Variants in NRXN1 observed in about 807,000 individuals in gnomAD.
NRXN1 encodes neurexin 1.
In NRXN1, 39 loss-of-function variants were observed where a neutral mutation model predicts 150.9. The ratio of observed to expected loss-of-function variants is 0.26; its 90% CI spans 0.20 to 0.34. NRXN1 has a LOEUF of 0.34. Among genes scored for constraint, NRXN1 ranks in the 10% least tolerant of loss-of-function variants. The pLI is 1.00. For missense variants in NRXN1, 1,815 were observed against 1,949.9 expected (o/e 0.93, Z 1.30); for synonymous variants, 924 against 757.0 (o/e 1.22, Z -3.62).
At chr2:50,140,062 A>C (rs560094107) in intron 18 of NRXN1, among the ~76,000 whole-genome samples, 3 of 152,300 alleles carry the variant, frequency 2.0e-5, no homozygotes, top group East Asian at 3.9e-4. Flanking sequence ...AAGGATAGCC[A>C]TTCAAGAATT....
At chr2:50,785,867 T>C (rs764151139) in intron 5 of NRXN1, among the ~76,000 whole-genome samples, 5 of 152,080 alleles carry the variant, frequency 3.3e-5, no homozygotes, top group Non-Finnish European at 7.3e-5. Flanking sequence ...GCCAAACTGT[T>C]GTCCAACTAC....
chr2:50,283,876 A>T (rs1482067471), intron 17 of NRXN1, among the ~76,000 whole-genome samples: 1 of 152,110 alleles, frequency 6.6e-6, no homozygotes, highest in Non-Finnish European at 1.5e-5. Flanking sequence ...TCAAGGCTAG[A>T]TTTGGAGAAC....
intron 2 of NRXN1, among the ~76,000 whole-genome samples, chr2:50,973,097 C>T (rs1382232151): frequency 6.6e-6 from 1 of 152,150 alleles, no homozygotes; most frequent in Non-Finnish European, 1.5e-5. Context: ...ACTATGATCT[C>T]CTATTCAGAG....
At chr2:50,323,869 A>T (rs1273721525) in intron 17 of NRXN1, among the ~76,000 whole-genome samples, 1 of 152,212 alleles carries the variant, frequency 6.6e-6, no homozygotes, top group African/African-American at 2.4e-5. Flanking sequence ...AAGTGGATCA[A>T]ACAAGTATTC....
chr2:50,186,034 C>T (rs1458845664), intron 18 of NRXN1, among the ~76,000 whole-genome samples: 3 of 151,816 alleles, frequency 2.0e-5, no homozygotes, highest in African/African-American at 7.3e-5. Flanking sequence ...TTTATAAAAC[C>T]ACACAATACT....
At chr2:50,286,018 A>G (rs1420739257) in intron 17 of NRXN1, among the ~76,000 whole-genome samples, 2 of 152,196 alleles carry the variant, frequency 1.3e-5, no homozygotes, top group Non-Finnish European at 2.9e-5. Context: ...TTTAAAATTA[A>G]CAGATAAAAT....
intron 8 of NRXN1, among the ~76,000 whole-genome samples, chr2:50,595,165 A>C (rs1323413682): frequency 4.6e-5 from 7 of 150,798 alleles, no homozygotes; most frequent in African/African-American, 1.7e-4. Flanking sequence ...GGGCTTTTGA[A>C]ATGATGGTGA....
At chr2:51,025,919 A>G (rs1378997145) in intron 2 of NRXN1, among the ~76,000 whole-genome samples, 1 of 152,166 alleles carries the variant, frequency 6.6e-6, no homozygotes, top group Non-Finnish European at 1.5e-5. Flanking sequence ...ACAAAAACCC[A>G]CATGAAGACA....
intron 17 of NRXN1, among the ~76,000 whole-genome samples, chr2:50,454,717 A>G (rs1319138519): frequency 6.6e-6 from 1 of 150,986 alleles, no homozygotes; most frequent in Non-Finnish European, 1.5e-5. Flanking sequence ...TAATTAACGG[A>G]TCCTCCAAGA....
chr2:50,557,834 T>A (rs1481537283), intron 8 of NRXN1, among the ~76,000 whole-genome samples: 1 of 152,218 alleles, frequency 6.6e-6, no homozygotes, highest in African/African-American at 2.4e-5. Flanking sequence ...TGGTCACATA[T>A]TTAAGGGAAT....
At chr2:51,012,261 C>T (rs1202166010) in intron 2 of NRXN1, among the ~76,000 whole-genome samples, 4 of 151,856 alleles carry the variant, frequency 2.6e-5, no homozygotes, top group African/African-American at 4.8e-5. Context: ...CATTCTAATG[C>T]CTTAGTGCAA....
intron 2 of NRXN1, among the ~76,000 whole-genome samples, chr2:50,982,843 C>A (rs1389886654): frequency 6.6e-6 from 1 of 151,994 alleles, no homozygotes; most frequent in Non-Finnish European, 1.5e-5. Flanking sequence ...ATGTATTATT[C>A]CCTTTCCATT....
chr2:50,537,263 A>T (rs2093282726), intron 10 of NRXN1, among the ~76,000 whole-genome samples: 1 of 152,224 alleles, frequency 6.6e-6, no homozygotes, highest in Admixed American at 6.5e-5. Flanking sequence ...TAAATATGTA[A>T]TAAAGCAATG....
At chr2:50,165,798 C>A (rs1331998857) in intron 18 of NRXN1, among the ~76,000 whole-genome samples, 1 of 152,162 alleles carries the variant, frequency 6.6e-6, no homozygotes, top group Non-Finnish European at 1.5e-5. Flanking sequence ...ACTATGCAAA[C>A]AATGATATTA....
chr2:50,142,387 T>A (rs149191933), intron 18 of NRXN1, among the ~76,000 whole-genome samples: 11 of 151,970 alleles, frequency 7.2e-5, no homozygotes, highest in South Asian at 2.1e-4. Flanking sequence ...TATGTTCTAA[T>A]GTTTGATAGC....
chr2:50,736,884 C>T (rs373110085), intron 5 of NRXN1, among the ~76,000 whole-genome samples: 3 of 152,246 alleles, frequency 2.0e-5, no homozygotes, highest in Admixed American at 6.5e-5. Context: ...GTCTAATGCC[C>T]GTTCTTGACA....
At chr2:49,942,626 T>A (rs1437161022) in intron 22 of NRXN1, among the ~76,000 whole-genome samples, 3 of 132,786 alleles carry the variant, frequency 2.3e-5, no homozygotes, top group East Asian at 2.6e-4. Flanking sequence ...TATTATTATT[T>A]TGAGACAAAA....
chr2:49,950,281 T>C (rs17039529), intron 21 of NRXN1, among the ~76,000 whole-genome samples: 62,555 of 151,694 alleles, frequency 0.41, 13,268 homozygotes, highest in South Asian at 0.53. Context: ...TTAGAGGCTG[T>C]CTAGATCTTA....
chr2:50,334,595 G>C lies in NRXN1; in HGVS notation c.3365-97625C>G, dbSNP rs964960816. On this transcript the variant is annotated intron_variant, in intron 17 of 22. Coordinates refer to ENST00000401669, the MANE Select transcript of NRXN1 (RefSeq NM_001330078.2). ...CTTTGGAGGTCCTATTTCCCAAATG[G>C]CAGGCACTCCATCACAAGGGTCTCC... Among the ~76,000 whole-genome samples, 3 of 152,056 alleles carry C rather than the reference G, an allele frequency of 2.0e-5. No homozygotes were observed. The South Asian group carries it at 6.2e-4, about 31-fold the overall frequency.
Sources: allele counts gnomAD v4.1 joint callset (sites outside exome capture counted in the v4.1 genomes callset), GRCh38; gene constraint gnomAD v4.1.1; transcripts MANE v1.5; gene names NCBI Gene and HGNC (gene_info 2026-07-23, HGNC 2026-07-21).